The following GRIP1 variants were observed in gnomAD, a reference collection of about 807,000 sequenced individuals.
GRIP1 encodes the protein glutamate receptor-interacting protein 1.
In GRIP1, 45 loss-of-function variants were observed where a neutral mutation model predicts 129.9. The observed-to-expected ratio is 0.35, with a 90% CI of 0.27 to 0.44. The LOEUF is 0.44. Among genes scored for constraint, GRIP1 ranks in the 20% least tolerant of loss-of-function variants. GRIP1 has a pLI of 1.00. For missense variants in GRIP1, 1,196 were observed against 1,396.8 expected (o/e 0.86, Z 2.29); for synonymous variants, 530 against 520.8 (o/e 1.02, Z -0.24).
chr12:66,929,226 T>A (rs2041346724), intron 1 of GRIP1, among the ~76,000 whole-genome samples: 1 of 152,192 alleles, frequency 6.6e-6, no homozygotes, highest in Non-Finnish European at 1.5e-5. Context: ...TGTTTGCTTC[T>A]CTCTAAAGGC....
Position 66,776,512 on chromosome 12 carries a change from A to G in GRIP1, c.-420+27541T>C, listed in dbSNP as rs181727366. Among the ~76,000 whole-genome samples the G allele has an allele frequency of 3.9e-5, 6 of 152,356 alleles. No individual in the cohort carries two copies. The East Asian group carries it at 1.2e-3, about 29-fold the overall frequency. On this transcript the variant is annotated intron_variant, in intron 1 of 4. Coordinates refer to the GRIP1 transcript ENST00000538373. ...ATATAGCATAATTCAAACAGAATTA[A>G]GCAAAGTTCTAGTCAAAGGGAGAGG...
chr12:66,821,156 C>A (rs1332903743), intron 1 of GRIP1, among the ~76,000 whole-genome samples: 1 of 151,996 alleles, frequency 6.6e-6, no homozygotes, highest in Non-Finnish European at 1.5e-5. Context: ...TTGTTATGAA[C>A]CAAAGCTACT....
intron 2 of GRIP1, among the ~76,000 whole-genome samples, chr12:66,579,592 G>A (rs1417336905): frequency 4.6e-5 from 7 of 152,164 alleles, no homozygotes; most frequent in South Asian, 4.1e-4. Flanking sequence ...GCCAAGGCTC[G>A]AGAACTACGT....
At chr12:66,928,026 A>C (rs1201278955) in intron 1 of GRIP1, among the ~76,000 whole-genome samples, 3 of 152,226 alleles carry the variant, frequency 2.0e-5, no homozygotes, top group African/African-American at 7.2e-5. Context: ...AATTTAAGAA[A>C]AATGAAGACA....
At chr12:66,437,945 G>A (rs1415974524) in intron 13 of GRIP1, among the ~76,000 whole-genome samples, 4 of 152,122 alleles carry the variant, frequency 2.6e-5, no homozygotes, top group African/African-American at 9.7e-5. Flanking sequence ...TCACCCTGCT[G>A]TATGACCTTG....
chr12:66,404,905 A>G (rs1022872772), intron 16 of GRIP1, among the ~76,000 whole-genome samples: 1 of 152,118 alleles, frequency 6.6e-6, no homozygotes, highest in African/African-American at 2.4e-5. Context: ...GGTGACACAC[A>G]CCAGTAGTTC....
In GRIP1 at chr12:66,920,932, T is replaced by C. The variant is rs1049721023; in HGVS notation, c.58+148118A>G. Among the ~76,000 whole-genome samples, 56 of 152,244 alleles carry C rather than the reference T, an allele frequency of 3.7e-4. 2 individuals are homozygous for C. Among genetic ancestry groups the C allele is most frequent in the Non-Finnish European group, 1.2e-4 (8 of 68,048 alleles). ...TCTCTAATGATCTTCTGGCAAATTG[T>C]AACATGAAATGAGGATGCATCCTGT... On this transcript the variant is annotated intron_variant, in intron 1 of 1. Coordinates refer to the GRIP1 transcript ENST00000643019.
intron 1 of GRIP1, among the ~76,000 whole-genome samples, chr12:66,618,912 A>G (rs2065152983): frequency 6.6e-6 from 1 of 152,148 alleles, no homozygotes; most frequent in African/African-American, 2.4e-5. Context: ...AATAAAGAAT[A>G]TATTTATTTA....
chr12:66,572,035 A>G (rs1418361024), intron 2 of GRIP1, among the ~76,000 whole-genome samples: 1 of 152,178 alleles, frequency 6.6e-6, no homozygotes, highest in Non-Finnish European at 1.5e-5. Context: ...AGGCCTAAAA[A>G]AACCCCACAC....
At chr12:66,949,925 C>A (rs532780929) in intron 1 of GRIP1, among the ~76,000 whole-genome samples, 1 of 151,850 alleles carries the variant, frequency 6.6e-6, no homozygotes, top group African/African-American at 2.4e-5. Context: ...CCCGCCACCA[C>A]GCCCGGCTAA....
At chr12:67,026,089 C>G (rs2042938468) in intron 1 of GRIP1, among the ~76,000 whole-genome samples, 1 of 152,142 alleles carries the variant, frequency 6.6e-6, no homozygotes, top group South Asian at 2.1e-4. Flanking sequence ...TGTCTACTCC[C>G]TGAATACTGC....
intron 1 of GRIP1, among the ~76,000 whole-genome samples, chr12:66,612,233 C>T (rs960265604): frequency 6.6e-6 from 1 of 152,138 alleles, no homozygotes; most frequent in Admixed American, 6.6e-5. Context: ...AGTGTACTTA[C>T]ACAATCCCAG....
chr12:66,763,639 C>T (rs1048466273), intron 1 of GRIP1, among the ~76,000 whole-genome samples: 4 of 152,046 alleles, frequency 2.6e-5, no homozygotes, highest in African/African-American at 7.2e-5. Context: ...AATAAAGCCA[C>T]GGAAGACAAC....
intron 5 of GRIP1, among the ~76,000 whole-genome samples, chr12:66,528,135 T>TTTTATTTTG (rs2061322006): frequency 1.1e-5 from 1 of 90,598 alleles, no homozygotes; most frequent in East Asian, 3.0e-4. Flanking sequence ...AATTAGTAGG[T>TTTTATTTTG]TTTTTTTTTT....
chr12:66,521,851 T>C (rs2061017501), intron 5 of GRIP1, among the ~76,000 whole-genome samples: 1 of 152,200 alleles, frequency 6.6e-6, no homozygotes, highest in Non-Finnish European at 1.5e-5. Flanking sequence ...ACCAGGAGAT[T>C]ATATCCCGTA....
chr12:66,627,195 T>C (rs2030179945), intron 1 of GRIP1, among the ~76,000 whole-genome samples: 1 of 152,052 alleles, frequency 6.6e-6, no homozygotes, highest in African/African-American at 2.4e-5. Flanking sequence ...TTCTTTGTGG[T>C]AGATTCCGGT....
intron 1 of GRIP1, among the ~76,000 whole-genome samples, chr12:67,030,341 A>G (rs1592490698): frequency 6.6e-6 from 1 of 152,164 alleles, no homozygotes; most frequent in South Asian, 2.1e-4. Context: ...CAATAAAGAC[A>G]TGCACAGGAG....
chr12:66,431,643 T>C (rs2058150824), intron 14 of GRIP1, among the ~76,000 whole-genome samples: 1 of 152,206 alleles, frequency 6.6e-6, no homozygotes, highest in African/African-American at 2.4e-5. Context: ...CACTCTTTCT[T>C]GAAGAAACCA....
chr12:66,991,652 T>A (rs1443635022), intron 1 of GRIP1, among the ~76,000 whole-genome samples: 1 of 152,216 alleles, frequency 6.6e-6, no homozygotes, highest in Non-Finnish European at 1.5e-5. Context: ...CATATTACAT[T>A]ATGAAAGCCA....
Sources: gnomAD v4.1 joint callset for allele counts (sites outside exome capture counted in the v4.1 genomes callset) on GRCh38, gnomAD v4.1.1 for gene constraint, MANE v1.5 for transcripts, NCBI Gene and HGNC (gene_info 2026-07-23, HGNC 2026-07-21) for gene names.